The following MAGI2 variants were observed in gnomAD, a reference collection of about 807,000 sequenced individuals.
MAGI2 encodes membrane associated guanylate kinase, WW and PDZ domain containing 2, also known as membrane-associated guanylate kinase, WW and PDZ domain-containing protein 2.
MAGI2 carries 35 observed loss-of-function variants against 133.3 expected under a neutral mutation model. That is an observed-to-expected ratio of 0.26 (90% CI 0.20 to 0.35). The LOEUF is 0.35. Among genes scored for constraint, MAGI2 ranks in the 10% least tolerant of loss-of-function variants. The pLI, the probability that MAGI2 is intolerant of heterozygous loss-of-function variation, is 1.00. For missense variants in MAGI2, 1,636 were observed against 1,863.4 expected, an observed-to-expected ratio of 0.88 and a Z score of 2.25; for synonymous variants, 729 against 710.6, an observed-to-expected ratio of 1.03 and a Z score of -0.41.
chr7:78,514,563 G>A (rs766895810), intron 4 of MAGI2, among the ~76,000 whole-genome samples: 9 of 152,032 alleles, frequency 5.9e-5, no homozygotes, highest in African/African-American at 9.7e-5. Context: ...TTCTCACCCC[G>A]CTCAAAAAAG....
chr7:79,067,328 T>A (rs1235883035), intron 1 of MAGI2, among the ~76,000 whole-genome samples: 1 of 152,192 alleles, frequency 6.6e-6, no homozygotes, highest in African/African-American at 2.4e-5. Context: ...ACATCCCTTG[T>A]AAGTTGTATT....
intron 15 of MAGI2, among the ~76,000 whole-genome samples, chr7:78,166,557 C>G (rs1825642004): frequency 6.6e-6 from 1 of 152,216 alleles, no homozygotes; most frequent in Non-Finnish European, 1.5e-5. Context: ...ATAGCAGTCT[C>G]TACTGGTGAG....
intron 1 of MAGI2, among the ~76,000 whole-genome samples, chr7:79,362,344 A>G (rs1419315233): frequency 1.3e-5 from 2 of 152,104 alleles, no homozygotes; most frequent in Non-Finnish European, 2.9e-5. Flanking sequence ...ACAATCTGAA[A>G]ACTCTCATCA....
intron 6 of MAGI2, among the ~76,000 whole-genome samples, chr7:78,425,860 T>G (rs931104602): frequency 2.0e-5 from 3 of 152,192 alleles, no homozygotes; most frequent in African/African-American, 4.8e-5. Context: ...TCTGACAGGG[T>G]CAATAATCTG....
chr7:78,545,902 T>C (rs1798791535), intron 3 of MAGI2, among the ~76,000 whole-genome samples: 1 of 152,234 alleles, frequency 6.6e-6, no homozygotes, highest in Non-Finnish European at 1.5e-5. Flanking sequence ...TACTAACAAA[T>C]CAATTTGCCT....
rs201791771 is a variant in MAGI2, at chr7:78,826,983, A to G, written c.418+180107T>C. Among the ~76,000 whole-genome samples the G allele has an allele frequency of 1.5e-4, 23 of 152,306 alleles. No individual in the cohort carries two copies. In the East Asian group the frequency reaches 2.9e-3, roughly 19 times the overall value. ...TACAGACATGCAAGGAGAGGAGGCT[A>G]GAGTAATTGATGTGGTGATAGGATT... On this transcript the variant is annotated intron_variant, in intron 2 of 21. Coordinates refer to ENST00000354212, the MANE Select transcript of MAGI2 (RefSeq NM_012301.4).
chr7:79,237,088 C>A (rs908301143), intron 1 of MAGI2, among the ~76,000 whole-genome samples: 2 of 152,108 alleles, frequency 1.3e-5, no homozygotes, highest in Non-Finnish European at 2.9e-5. Flanking sequence ...CAGTTTGTAC[C>A]TTTAAATAGT....
intron 21 of MAGI2, among the ~76,000 whole-genome samples, chr7:78,073,493 A>C (rs1814938220): frequency 6.6e-6 from 1 of 152,020 alleles, no homozygotes; most frequent in East Asian, 1.9e-4. Context: ...TTAAGAGAAT[A>C]AACAGGCCAG....
At chr7:78,946,723 G>A (rs1192807355) in intron 2 of MAGI2, 2 of 152,136 alleles carry the variant, frequency 1.3e-5, no homozygotes, top group African/African-American at 4.8e-5. Context: ...AATTCCACAT[G>A]TCAATTTTAT....
At chr7:78,180,646 C>A (rs1170837225) in intron 13 of MAGI2, among the ~76,000 whole-genome samples, 1 of 152,090 alleles carries the variant, frequency 6.6e-6, no homozygotes, top group Non-Finnish European at 1.5e-5. Flanking sequence ...TTGCTCTGAC[C>A]CACCCTGATT....
intron 2 of MAGI2, among the ~76,000 whole-genome samples, chr7:78,764,632 C>T (rs1472574001): frequency 6.6e-6 from 1 of 152,120 alleles, no homozygotes; most frequent in Non-Finnish European, 1.5e-5. Context: ...GCTTGAGATC[C>T]CACCTCTTTA....
Position 79,195,291 on chromosome 7 carries a change from C to T in MAGI2, c.302-188085G>A, listed in dbSNP as rs117196212. On this transcript the variant is annotated intron_variant, in intron 1 of 21. Coordinates refer to ENST00000354212, the MANE Select transcript of MAGI2 (RefSeq NM_012301.4). The stretch of plus-strand genomic sequence containing the variant: ...ATGAAAATCAGATGTTCACCTATCC[C>T]GACATCTGTGATGTTCATCTCATCA... Among the ~76,000 whole-genome samples, 1,314 of 151,970 alleles carry T rather than the reference C, an allele frequency of 8.6e-3. 7 individuals carry two copies. The highest frequency in any genetic ancestry group is 0.013 in the Non-Finnish European group (879 of 68,000).
At chr7:78,653,584 T>G (rs1156461292) in intron 2 of MAGI2, among the ~76,000 whole-genome samples, 1 of 150,856 alleles carries the variant, frequency 6.6e-6, no homozygotes, top group Non-Finnish European at 1.5e-5. Flanking sequence ...AGTTGAATAA[T>G]GAGAACACAT....
chr7:78,354,211 G>A (rs1791827384), intron 7 of MAGI2, among the ~76,000 whole-genome samples: 1 of 152,132 alleles, frequency 6.6e-6, no homozygotes, highest in South Asian at 2.1e-4. Flanking sequence ...TACAAGGAAG[G>A]GTGAGAATAG....
In MAGI2 at chr7:79,250,109, C is replaced by A. The variant is rs1183087471; in HGVS notation, c.301+202911G>T. On this transcript the variant is annotated intron_variant, in intron 1 of 21. Transcript: ENST00000354212. ...ACATCTCTTCATGATAAAAATAAAT[C>A]CTCAAAAAACTGGGTATAGAAAAAA... Among the ~76,000 whole-genome samples the A allele has an allele frequency of 5.9e-5, 9 of 151,772 alleles. No individual in the cohort carries two copies. The South Asian group carries it at 8.3e-4, about 14-fold the overall frequency.
intron 2 of MAGI2, among the ~76,000 whole-genome samples, chr7:78,944,175 C>T (rs530015750): frequency 3.3e-5 from 5 of 152,108 alleles, no homozygotes; most frequent in African/African-American, 1.2e-4. Context: ...TGCCTTAATT[C>T]ATTTTCTCAC....
chr7:78,963,847 G>T (rs62467733), intron 2 of MAGI2, among the ~76,000 whole-genome samples: 18 of 151,906 alleles, frequency 1.2e-4, no homozygotes, highest in African/African-American at 4.3e-4. Context: ...TAAATTATCA[G>T]GGCATCAGAG....
intron 2 of MAGI2, among the ~76,000 whole-genome samples, chr7:78,651,283 T>C (rs976684318): frequency 2.7e-5 from 4 of 150,000 alleles, no homozygotes; most frequent in Admixed American, 1.3e-4. Flanking sequence ...TAAACACAGA[T>C]ACACACACAT....
At chr7:78,827,981 T>C (rs1790813299) in intron 2 of MAGI2, among the ~76,000 whole-genome samples, 1 of 151,986 alleles carries the variant, frequency 6.6e-6, no homozygotes, top group South Asian at 2.1e-4. Context: ...GCCTCCCAGG[T>C]TCAAGTGATT....
Sources: gnomAD v4.1 joint callset for allele counts (sites outside exome capture counted in the v4.1 genomes callset) on GRCh38, gnomAD v4.1.1 for gene constraint, MANE v1.5 for transcripts, NCBI Gene and HGNC (gene_info 2026-07-23, HGNC 2026-07-21) for gene names.